The following NBPF14 variants were observed in gnomAD, a reference collection of about 807,000 sequenced individuals.
NBPF14 encodes the protein NBPF member 14, also known as NBPF family member NBPF14.
Under a neutral mutation model 91.2 loss-of-function variants are expected in NBPF14, and 104 were observed. The observed-to-expected ratio is 1.14, with a 90% CI of 0.97 to 1.34. NBPF14 has a LOEUF of 1.34. Among genes scored for constraint, NBPF14 ranks in the 40% most tolerant of loss-of-function variants. The probability of loss-of-function intolerance (pLI) is 0.00; values close to 1 mark genes in which losing one functional copy is unlikely to be tolerated. For missense variants in NBPF14, 908 were observed against 783.0 expected (o/e 1.16, Z -1.91); for synonymous variants, 294 against 303.8 (o/e 0.97, Z 0.34).
intron 68 of NBPF14, 134 bp from the exon 69 acceptor site, chr1:148,534,990 A>C (rs1241451969): frequency 1.4e-6 from 1 of 718,802 alleles, no homozygotes; most frequent in East Asian, 2.6e-5. Flanking sequence ...GTAACGAATT[A>C]TTGCCTTTAT....
chr1:148,533,203 C>T (rs781912679), exon 71 of NBPF14: 5 of 685,210 alleles, frequency 7.3e-6, no homozygotes, highest in South Asian at 2.0e-5. Flanking sequence ...CCAGTGAGTC[C>T]TGTAAGACTT....
At chr1:148,580,066 C>T (rs1660674847) in intron 12 of NBPF14, among the ~76,000 whole-genome samples, 1 of 151,244 alleles carries the variant, frequency 6.6e-6, no homozygotes, top group South Asian at 2.1e-4. Flanking sequence ...AGCTCCTCAC[C>T]AGCAATGGAA....
chr1:148,585,366 T>C lies in NBPF14; in HGVS notation c.1307-153A>G, dbSNP rs1177449011. On this transcript the variant is annotated intron_variant, in intron 9 of 70. Transcript: ENST00000619423. ...TTATCTTTAACAGAATGCCCTGCCATGGTTTCCTGATCCATCAGGCAATGC... is the reference window on the plus strand; with the variant it reads ...TTATCTTTAACAGAATGCCCTGCCACGGTTTCCTGATCCATCAGGCAATGC... Among the ~76,000 whole-genome samples, 514 of 152,050 alleles carry C rather than the reference T, an allele frequency of 3.4e-3. 9 individuals are homozygous for C. The highest frequency in any genetic ancestry group is 0.012 in the African/African-American group (477 of 41,406).
In NBPF14 at chr1:148,592,760, A is replaced by T. The variant is rs1166257864; in HGVS notation, c.285T>A (p.Tyr95Ter). ...GTTCCTGAGAGTGAACCAGGACTTTATATTGCCTAAGGTGAGACGGTAGAG... is the reference window on the plus strand; with the variant it reads ...GTTCCTGAGAGTGAACCAGGACTTTTTATTGCCTAAGGTGAGACGGTAGAG... The change falls in exon 4 of 71, where the codon TAT becomes TAA. Residue 95 changes from tyrosine to a stop codon, truncating the protein, a stop_gained. Transcript: ENST00000619423. LOFTEE classifies it high-confidence loss of function. 1 of 1,581,186 alleles carries T rather than the reference A, an allele frequency of 6.3e-7. No homozygotes were observed. The highest frequency in any genetic ancestry group is 1.7e-5 in the Admixed American group (1 of 59,152).
intron 10 of NBPF14, 127 bp downstream of exon 10, chr1:148,585,014 A>G (rs1220802526): frequency 1.2e-6 from 1 of 810,528 alleles, no homozygotes; most frequent in Admixed American, 1.8e-5. Context: ...AAGCTGGATT[A>G]TATTTCACAT....
intron 8 of NBPF14, among the ~76,000 whole-genome samples, chr1:148,586,673 G>C (rs1462931564): frequency 2.7e-5 from 4 of 147,226 alleles, no homozygotes; most frequent in Non-Finnish European, 4.5e-5. Flanking sequence ...GCTCTTGCAA[G>C]ATCCTCGATG....
intron 68 of NBPF14, 148 bp from the exon 69 acceptor site, chr1:148,535,004 G>C: frequency 1.4e-6 from 1 of 707,470 alleles, no homozygotes; most frequent in South Asian, 1.5e-5. Flanking sequence ...CCTTTATGTT[G>C]GGATAGACCA....
chr1:148,587,043 G>C (rs1482368670), intron 8 of NBPF14, among the ~76,000 whole-genome samples: 1 of 147,156 alleles, frequency 6.8e-6, no homozygotes, highest in South Asian at 2.2e-4. Context: ...ACACTCCTTT[G>C]GTTAATTTTG....
In NBPF14 at chr1:148,574,420, TAG is replaced by T. The variant is rs1182053392; in HGVS notation, c.2304-197_2304-196del. ...GAAAAGAATGAAAGAGAAAGACAGA[TAG>T]ACACACACACACACACACACACACA... On this transcript the variant is annotated intron_variant, in intron 18 of 70. Transcript: ENST00000619423. Among the ~76,000 whole-genome samples, 5 of 34,800 alleles carry T rather than the reference TAG, an allele frequency of 1.4e-4. No individual in the cohort carries two copies. The East Asian group carries it at 3.5e-3, about 24-fold the overall frequency. The allele number at this position is 34,800 out of a possible 152,430, so 22.8% of individuals were successfully genotyped here. A position where few individuals can be genotyped will look rare whatever the true frequency, so the allele number is the denominator to read the frequency against.
At chr1:148,559,372 A>T (rs1321979427) in intron 37 of NBPF14, among the ~76,000 whole-genome samples, 3 of 132,260 alleles carry the variant, frequency 2.3e-5, no homozygotes, top group Non-Finnish European at 4.5e-5. Flanking sequence ...AATTGCCCCC[A>T]AATGGTTGCT....
At chr1:148,566,530 C>T (rs1385739274) in intron 28 of NBPF14, among the ~76,000 whole-genome samples, 1 of 129,004 alleles carries the variant, frequency 7.8e-6, no homozygotes, top group Non-Finnish European at 1.8e-5. Flanking sequence ...CACACACACA[C>T]ACACACACAC....
Position 148,539,279 on chromosome 1 carries a change from C to A in NBPF14, c.7882+131G>T, listed in dbSNP as rs1553333179. On this transcript the variant is annotated intron_variant, in intron 63 of 70. Coordinates refer to ENST00000619423, the Ensembl canonical transcript of NBPF14. ...ACTGAGACTACAGTTTCTTTACAAC[C>A]TATATGCGCCCATAGGTCCTGACTG... 18 of 635,916 alleles carry A rather than the reference C, an allele frequency of 2.8e-5. 3 individuals are homozygous for A. The highest frequency in any genetic ancestry group is 1.2e-4 in the South Asian group (7 of 60,456). 39.4% of individuals were successfully genotyped at this position (635,916 alleles called of 1,614,324 possible).
At chr1:148,585,986 C>G (rs1661465702) in intron 9 of NBPF14, among the ~76,000 whole-genome samples, 1 of 151,406 alleles carries the variant, frequency 6.6e-6, no homozygotes, top group Non-Finnish European at 1.5e-5. Context: ...ATCGCAGCCT[C>G]CTTCCTGTCC....
intron 14 of NBPF14, among the ~76,000 whole-genome samples, chr1:148,577,686 A>T (rs1424075934): frequency 4.1e-4 from 60 of 147,576 alleles, no homozygotes; most frequent in African/African-American, 1.5e-3. Flanking sequence ...AACAGTGATC[A>T]TGAAAAGCAT....
chr1:148,595,444 A>C, intron 2 of NBPF14, 99 bp downstream of exon 2: 1 of 1,339,584 alleles, frequency 7.5e-7, no homozygotes, highest in Non-Finnish European at 1.1e-6. Flanking sequence ...GAAGTACAGG[A>C]AGGATGAAAT....
chr1:148,557,603 C>T (rs1357453027), intron 39 of NBPF14, 61 bp from the exon 40 acceptor site: 2 of 591,330 alleles, frequency 3.4e-6, no homozygotes, highest in Non-Finnish European at 2.9e-6. Flanking sequence ...CCATAACAGT[C>T]CACTGTCTAA....
Position 148,577,358 on chromosome 1 carries a change from G to A in NBPF14, c.1854-3C>T, listed in dbSNP as rs1660009598. On this transcript the variant is annotated splice_region_variant and splice_polypyrimidine_tract_variant and intron_variant, in intron 14 of 70. Transcript: ENST00000619423. ...CATCCAGCAGCTCCCTGCTGAGCCT[G>A]GAAAAGTGGGAAAAAGTAAAGAATA... The A allele has an allele frequency of 1.6e-6, 1 of 620,964 alleles. No individual in the cohort carries two copies. Among genetic ancestry groups the A allele is most frequent in the Non-Finnish European group, 2.9e-6 (1 of 347,998 alleles). The allele number at this position is 620,964 out of a possible 1,614,324, so 38.5% of individuals were successfully genotyped here. A position where few individuals can be genotyped will look rare whatever the true frequency, so the allele number is the denominator to read the frequency against.
Position 148,534,866 on chromosome 1 carries a change from T to G in NBPF14, c.8442-10A>C, listed in dbSNP as rs1405515531. 8 of 861,596 alleles carry G rather than the reference T, an allele frequency of 9.3e-6. No individual in the cohort carries two copies. The highest frequency in any genetic ancestry group is 4.8e-5 in the East Asian group (2 of 41,524). 53.4% of individuals were successfully genotyped at this position (861,596 alleles called of 1,614,324 possible). A position where few individuals can be genotyped will look rare whatever the true frequency, so the allele number is the denominator to read the frequency against. ...CAGCTCCCTGCTGAGCCTGGAAAAG[T>G]AGGAAAAAGTAAAGAATAAGCCAGG... On this transcript the variant is annotated splice_polypyrimidine_tract_variant and intron_variant, in intron 68 of 70. Coordinates refer to ENST00000619423, the Ensembl canonical transcript of NBPF14.
chr1:148,565,806 T>C (rs1658161587), intron 29 of NBPF14, among the ~76,000 whole-genome samples: 1 of 14,688 alleles, frequency 6.8e-5, no homozygotes, highest in Non-Finnish European at 1.3e-4. Context: ...GTGAGGACAT[T>C]AGACACTGAA....
Sources: allele counts gnomAD v4.1 joint callset (sites outside exome capture counted in the v4.1 genomes callset), GRCh38; gene constraint gnomAD v4.1.1; transcripts MANE v1.5; gene names NCBI Gene and HGNC (gene_info 2026-07-23, HGNC 2026-07-21).